Variants in LRBA observed in about 807,000 individuals in gnomAD.
LRBA encodes LPS responsive beige-like anchor protein, also known as lipopolysaccharide-responsive and beige-like anchor protein.
LRBA carries 176 observed loss-of-function variants against 330.0 expected under a neutral mutation model. The ratio of observed to expected loss-of-function variants is 0.53; its 90% CI spans 0.47 to 0.60. LRBA has a LOEUF of 0.60. Ranked by LOEUF, LRBA falls within the 20% of genes least tolerant of loss-of-function variation. LRBA has a pLI of 0.00. For missense variants in LRBA, 3,259 were observed against 3,444.8 expected (o/e 0.95, Z 1.35); for synonymous variants, 1,230 against 1,193.0 (o/e 1.03, Z -0.64).
intron 37 of LRBA, among the ~76,000 whole-genome samples, chr4:150,646,932 C>T (rs1046558042): frequency 3.3e-5 from 5 of 152,028 alleles, no homozygotes; most frequent in African/African-American, 1.2e-4. Context: ...TGAAACACTT[C>T]TGGTTCCAAG....
At position 150,689,446 on chromosome 4, in the gene LRBA, C is replaced by T. The variant is rs1033726773; in HGVS notation, c.5755-5729G>A. Among the ~76,000 whole-genome samples, 4 of 151,228 alleles carry T rather than the reference C, an allele frequency of 2.6e-5. No homozygotes were observed. The East Asian group carries it at 7.7e-4, about 29-fold the overall frequency. On this transcript the variant is annotated intron_variant, in intron 36 of 56. Transcript: ENST00000651943. ...CACATTCTGCACATGTATCCCAGAA[C>T]TTAAAGTATAATAAATAAATAAATA... is the stretch of plus-strand genomic sequence containing the variant.
chr4:150,525,416 T>C (rs1763357738), intron 40 of LRBA, among the ~76,000 whole-genome samples: 1 of 152,124 alleles, frequency 6.6e-6, no homozygotes, highest in Non-Finnish European at 1.5e-5. Flanking sequence ...CCTATTGAAA[T>C]AGCAAATAAT....
intron 11 of LRBA, 80 bp downstream of exon 11, chr4:150,908,254 G>A: frequency 2.1e-6 from 3 of 1,431,756 alleles, no homozygotes; most frequent in Non-Finnish European, 2.8e-6. Context: ...AACAAAACCT[G>A]AAAGGCAAAA....
At chr4:150,597,341 T>C (rs1773614282) in intron 38 of LRBA, among the ~76,000 whole-genome samples, 1 of 151,928 alleles carries the variant, frequency 6.6e-6, no homozygotes, top group Non-Finnish European at 1.5e-5. Context: ...AAAAATCCTG[T>C]AACTCTTCAA....
rs545226665 is a variant in LRBA at position 150,326,496 on chromosome 4, G to A, written c.7363-598C>T. Reference sequence around the variant, plus strand: ...CAGGGAGTCACTAAACATGAGGAACGTGTGTATGTGTGCTCTTTTTGAAAG... The same window carrying A: ...CAGGGAGTCACTAAACATGAGGAACATGTGTATGTGTGCTCTTTTTGAAAG... On this transcript the variant is annotated intron_variant, in intron 48 of 56. Transcript: ENST00000651943. 9.9e-5 allele frequency among the ~76,000 whole-genome samples: 15 copies of A among 152,278 alleles called. No individual in the cohort carries two copies. In the South Asian group the frequency reaches 2.7e-3, roughly 27 times the overall value.
intron 2 of LRBA, among the ~76,000 whole-genome samples, chr4:150,938,063 G>A (rs1426805886): frequency 6.1e-5 from 9 of 146,958 alleles, no homozygotes; most frequent in Non-Finnish European, 1.2e-4. Flanking sequence ...TGGGGCAGGA[G>A]TATGGTATAG....
chr4:150,451,429 T>C (rs1753333140), intron 44 of LRBA, among the ~76,000 whole-genome samples: 1 of 152,146 alleles, frequency 6.6e-6, no homozygotes, highest in African/African-American at 2.4e-5. Context: ...AAATACATGG[T>C]AACTAAACAA....
intron 34 of LRBA, among the ~76,000 whole-genome samples, chr4:150,778,195 A>C (rs1248302470): frequency 6.6e-6 from 1 of 152,124 alleles, no homozygotes; most frequent in Non-Finnish European, 1.5e-5. Context: ...TGTGTCTTTA[A>C]TCACTCTGTG....
At chr4:150,908,625 CATTATAA>C (rs1731605178) in intron 10 of LRBA, 28 bp downstream of exon 10, 1 of 1,563,064 alleles carries the variant, frequency 6.4e-7, no homozygotes, top group Admixed American at 1.8e-5. Context: ...CAAAAATTAC[CATTATAA>C]ATGTTCTTAA....
chr4:150,936,577 T>A lies in LRBA; in HGVS notation c.217-7512A>T, dbSNP rs1251891240. ...AAAAATCTCTAAGGCCATACAAAAC[T>A]AGTAATTCCATAATTATATAATGAT... On this transcript the variant is annotated intron_variant, in intron 2 of 56. Coordinates refer to ENST00000651943, the MANE Select transcript of LRBA (RefSeq NM_001364905.1). Among the ~76,000 whole-genome samples, 3 of 152,076 alleles carry A rather than the reference T, an allele frequency of 2.0e-5. No individual in the cohort carries two copies. In the East Asian group the frequency reaches 5.8e-4, roughly 29 times the overall value.
chr4:150,644,459 T>C (rs1401762144), intron 37 of LRBA, among the ~76,000 whole-genome samples: 1 of 151,920 alleles, frequency 6.6e-6, no homozygotes, highest in Non-Finnish European at 1.5e-5. Context: ...TGAGTTTCAT[T>C]TGACAGCCAA....
chr4:150,364,789 G>T (rs1438463316), intron 47 of LRBA, among the ~76,000 whole-genome samples: 1 of 151,914 alleles, frequency 6.6e-6, no homozygotes, highest in African/African-American at 2.4e-5. Flanking sequence ...CTCCTAGAAG[G>T]TATAGATTAT....
chr4:150,274,653 A>T (rs1468458709), intron 56 of LRBA, among the ~76,000 whole-genome samples: 1 of 152,214 alleles, frequency 6.6e-6, no homozygotes, highest in Non-Finnish European at 1.5e-5. Flanking sequence ...ACCATCAGAG[A>T]ATACTATAAA....
intron 40 of LRBA, among the ~76,000 whole-genome samples, chr4:150,524,127 T>C (rs957140255): frequency 6.6e-6 from 1 of 152,204 alleles, no homozygotes; most frequent in Non-Finnish European, 1.5e-5. Flanking sequence ...GAGTACTATA[T>C]ATTATCTAAG....
chr4:150,634,203 G>C (rs1033030340), intron 37 of LRBA, among the ~76,000 whole-genome samples: 4 of 152,030 alleles, frequency 2.6e-5, no homozygotes, highest in African/African-American at 7.3e-5. Context: ...TAACTTACCA[G>C]AGCTCTTTAA....
chr4:150,910,234 T>C (rs1489874981), intron 9 of LRBA, among the ~76,000 whole-genome samples: 1 of 152,216 alleles, frequency 6.6e-6, no homozygotes, highest in Non-Finnish European at 1.5e-5. Flanking sequence ...ACTGCCAAAT[T>C]CAATGTCGTA....
chr4:150,450,092 GA>G (rs533904836), intron 44 of LRBA, among the ~76,000 whole-genome samples: 2 of 151,824 alleles, frequency 1.3e-5, no homozygotes, highest in Non-Finnish European at 2.9e-5. Flanking sequence ...TAAAATAATA[GA>G]AAAAATGCTG....
intron 41 of LRBA, among the ~76,000 whole-genome samples, chr4:150,490,708 C>CA (rs963254303): frequency 1.7e-4 from 25 of 149,166 alleles, no homozygotes; most frequent in African/African-American, 4.7e-4. Context: ...TGTGATATGG[C>CA]AAAAAAAAGA....
At chr4:150,686,595 A>G (rs1011008771) in intron 36 of LRBA, among the ~76,000 whole-genome samples, 3 of 152,186 alleles carry the variant, frequency 2.0e-5, no homozygotes, top group African/African-American at 7.2e-5. Context: ...ACTAAAACAA[A>G]TAGTACGAAA....
Sources: gnomAD v4.1 joint callset for allele counts (sites outside exome capture counted in the v4.1 genomes callset) on GRCh38, gnomAD v4.1.1 for gene constraint, MANE v1.5 for transcripts, NCBI Gene and HGNC (gene_info 2026-07-23, HGNC 2026-07-21) for gene names.